CAPZA2: variants seen among roughly 807,000 people sequenced by gnomAD.
CAPZA2 encodes the protein F-actin-capping protein subunit alpha-2.
In CAPZA2, 13 loss-of-function variants were observed where a neutral mutation model predicts 44.0. That is an observed-to-expected ratio of 0.30 (90% CI 0.19 to 0.47). The LOEUF (loss-of-function observed/expected upper bound fraction) is 0.47, where lower values mean the gene tolerates loss of function less well. CAPZA2 is among the 20% of genes least tolerant of loss of function. The pLI, the probability that CAPZA2 is intolerant of heterozygous loss-of-function variation, is 1.00. For synonymous variants in CAPZA2, 94 were observed against 108.2 expected, an observed-to-expected ratio of 0.87 and a Z score of 0.81; for missense variants, 244 against 338.6, an observed-to-expected ratio of 0.72 and a Z score of 2.19.
At chr7:116,893,455 C>G (rs1296314106) in intron 3 of CAPZA2, among the ~76,000 whole-genome samples, 1 of 152,066 alleles carries the variant, frequency 6.6e-6, no homozygotes, top group Non-Finnish European at 1.5e-5. Context: ...GCACTAATCT[C>G]TGACATAGAT....
At chr7:116,892,045 A>G (rs1457818550) in intron 2 of CAPZA2, among the ~76,000 whole-genome samples, 2 of 152,260 alleles carry the variant, frequency 1.3e-5, no homozygotes, top group Non-Finnish European at 2.9e-5. Flanking sequence ...TTAACAATAC[A>G]TAAATATGAT....
At chr7:116,881,680 A>G (rs984170554) in intron 1 of CAPZA2, among the ~76,000 whole-genome samples, 12 of 145,352 alleles carry the variant, frequency 8.3e-5, no homozygotes, top group Non-Finnish European at 1.6e-4. Flanking sequence ...CAGAGCTTGC[A>G]GTGAGCCAAG....
chr7:116,865,597 A>C (rs1796473095), intron 1 of CAPZA2, among the ~76,000 whole-genome samples: 1 of 151,920 alleles, frequency 6.6e-6, no homozygotes, highest in Non-Finnish European at 1.5e-5. Context: ...ATTCTTCCTT[A>C]GACAGGGTCT....
chr7:116,902,629 T>C (rs572467054), intron 4 of CAPZA2, among the ~76,000 whole-genome samples: 151 of 152,324 alleles, frequency 9.9e-4, no homozygotes, highest in Middle Eastern at 3.4e-3. Context: ...TAATACCTGA[T>C]GTCCCTACCA....
chr7:116,873,722 T>C (rs1383725874), intron 1 of CAPZA2: 1 of 156,006 alleles, frequency 6.4e-6, no homozygotes, highest in Non-Finnish European at 1.5e-5. Context: ...ATGGTAATTA[T>C]AAAACTGAAG....
At chr7:116,863,275 C>T (rs1174573711) in intron 1 of CAPZA2, among the ~76,000 whole-genome samples, 1 of 152,124 alleles carries the variant, frequency 6.6e-6, no homozygotes, top group Non-Finnish European at 1.5e-5. Context: ...GTGGCTCTAG[C>T]AGTAAGCTTG....
At chr7:116,906,568 G>A (rs1332981983) in intron 6 of CAPZA2, 3 of 616,166 alleles carry the variant, frequency 4.9e-6, no homozygotes, top group East Asian at 3.9e-5. Flanking sequence ...TATGGGACTA[G>A]CAAACAGCAT....
At chr7:116,912,174 A>C in intron 8 of CAPZA2, 34 bp downstream of exon 8, 5 of 1,606,244 alleles carry the variant, frequency 3.1e-6, no homozygotes, top group Non-Finnish European at 4.2e-6. Context: ...AATTTAACCT[A>C]ATACTTCTGT....
chr7:116,867,437 G>A (rs552251789), intron 1 of CAPZA2, among the ~76,000 whole-genome samples: 13 of 152,248 alleles, frequency 8.5e-5, no homozygotes, highest in Admixed American at 2.6e-4. Flanking sequence ...CCTTTACAAG[G>A]AAGCCAAGTT....
Position 116,889,593 on chromosome 7 carries a change from A to G in CAPZA2, c.103+1403A>G, listed in dbSNP as rs150234533. ...AAAAAAAAAAAAAAGATATAATGGA[A>G]TCTCACCTCAGAAAAGATTAGTTTT... is the stretch of plus-strand genomic sequence containing the variant. On this transcript the variant is annotated intron_variant, in intron 2 of 9. Coordinates refer to ENST00000361183, the MANE Select transcript of CAPZA2 (RefSeq NM_006136.3). 1.0e-3 allele frequency among the ~76,000 whole-genome samples: 153 copies of G among 152,114 alleles called. 1 individual carries two copies. In the East Asian group the frequency reaches 0.027, roughly 27 times the overall value.
intron 1 of CAPZA2, among the ~76,000 whole-genome samples, chr7:116,886,387 A>G (rs1796762180): frequency 6.6e-6 from 1 of 152,220 alleles, no homozygotes; most frequent in Non-Finnish European, 1.5e-5. Flanking sequence ...ACCTCTAACT[A>G]GGAACATCTT....
chr7:116,873,511 T>A (rs530596648), intron 1 of CAPZA2: 2 of 152,954 alleles, frequency 1.3e-5, no homozygotes, highest in African/African-American at 4.8e-5. Context: ...CTTCAGACAG[T>A]TTTAAAATCT....
rs1791766913 is a variant in CAPZA2 at position 116,921,264 on chromosome 7, C to G, written c.*3397C>G. 6.6e-6 allele frequency: 1 copy of G among 152,536 alleles called. No individual in the cohort carries two copies. Among genetic ancestry groups the G allele is most frequent in the South Asian group, 2.1e-4 (1 of 4,830 alleles). 9.4% of individuals were successfully genotyped at this position (152,536 alleles called of 1,614,324 possible). A position where few individuals can be genotyped will look rare whatever the true frequency, so the allele number is the denominator to read the frequency against. ...CTGGGCGTGGTGGTGTGCCTGTAGT[C>G]CCAGCTACTAGGGAGGCTGAGGCAG... On this transcript the variant is annotated 3_prime_UTR_variant, in exon 10 of 10. Coordinates refer to ENST00000361183, the MANE Select transcript of CAPZA2 (RefSeq NM_006136.3).
At chr7:116,876,940 G>C (rs1262326026) in intron 1 of CAPZA2, among the ~76,000 whole-genome samples, 1 of 152,214 alleles carries the variant, frequency 6.6e-6, no homozygotes, top group Non-Finnish European at 1.5e-5. Flanking sequence ...AGTGATCCCT[G>C]GTTCTCAGGA....
chr7:116,898,856 ATTC>A, intron 4 of CAPZA2, 21 bp downstream of exon 4: 3 of 1,423,906 alleles, frequency 2.1e-6, no homozygotes, highest in Non-Finnish European at 3.0e-6. Flanking sequence ...TATAAACACT[ATTC>A]TTTGTTTTGT....
At chr7:116,867,862 G>T (rs905460958) in intron 1 of CAPZA2, among the ~76,000 whole-genome samples, 3 of 152,156 alleles carry the variant, frequency 2.0e-5, no homozygotes, top group Non-Finnish European at 4.4e-5. Flanking sequence ...GGGATTACAG[G>T]CGTGAGCGAC....
chr7:116,880,270 T>A (rs553142495), intron 1 of CAPZA2: 3 of 342,688 alleles, frequency 8.8e-6, no homozygotes, highest in African/African-American at 6.4e-5. Context: ...TTCAAATAAT[T>A]GTAAACTTAC....
intron 1 of CAPZA2, among the ~76,000 whole-genome samples, chr7:116,884,069 A>G (rs73473209): frequency 0.032 from 4,918 of 152,210 alleles, 257 homozygotes; most frequent in African/African-American, 0.11. Context: ...CAGAAAGGGG[A>G]TAAGGAAATG....
At chr7:116,868,275 A>G (rs1393860861) in intron 1 of CAPZA2, among the ~76,000 whole-genome samples, 7 of 152,198 alleles carry the variant, frequency 4.6e-5, no homozygotes, top group African/African-American at 1.7e-4. Context: ...AAGTGGAGAC[A>G]TAATGTCATC....
Sources: allele counts gnomAD v4.1 joint callset (sites outside exome capture counted in the v4.1 genomes callset), GRCh38; gene constraint gnomAD v4.1.1; transcripts MANE v1.5; gene names NCBI Gene and HGNC (gene_info 2026-07-23, HGNC 2026-07-21).